Variants in ARHGAP8 observed in about 807,000 individuals in gnomAD.
ARHGAP8 encodes Rho GTPase activating protein 8.
Under a neutral mutation model 46.1 loss-of-function variants are expected in ARHGAP8, and 62 were observed. The ratio of observed to expected loss-of-function variants is 1.34; its 90% CI spans 1.10 to 1.66. The LOEUF (loss-of-function observed/expected upper bound fraction) is 1.66, where lower values mean the gene tolerates loss of function less well. ARHGAP8 is among the 40% of genes most tolerant of loss of function. ARHGAP8 has a pLI of 0.00. For synonymous variants in ARHGAP8, 375 were observed against 243.1 expected (o/e 1.54, Z -5.05); for missense variants, 923 against 568.4 (o/e 1.62, Z -6.34).
chr22:44,801,763 T>C (rs1928569956), intron 2 of ARHGAP8: 1 of 335,266 alleles, frequency 3.0e-6, no homozygotes, highest in Admixed American at 4.3e-5. Flanking sequence ...GTCAGATGCG[T>C]CTCGATTTAA....
intron 1 of ARHGAP8, among the ~76,000 whole-genome samples, chr22:44,765,655 G>C (rs1455538527): frequency 1.3e-5 from 2 of 152,148 alleles, no homozygotes; most frequent in South Asian, 2.1e-4. Context: ...GGCATGACAG[G>C]GTGGCAGGGA....
At chr22:44,820,395 G>A (rs954478370) in intron 5 of ARHGAP8, among the ~76,000 whole-genome samples, 1 of 152,164 alleles carries the variant, frequency 6.6e-6, no homozygotes, top group South Asian at 2.1e-4. Context: ...TCCTGCAGAG[G>A]GGCAAGACTC....
At chr22:44,763,049 C>G (rs182384412) in intron 1 of ARHGAP8, among the ~76,000 whole-genome samples, 1 of 152,068 alleles carries the variant, frequency 6.6e-6, no homozygotes, top group Non-Finnish European at 1.5e-5. Context: ...TATCCAATGA[C>G]GCCTACATAA....
chr22:44,861,123 C>G (rs1226415103), intron 11 of ARHGAP8, among the ~76,000 whole-genome samples: 1 of 152,188 alleles, frequency 6.6e-6, no homozygotes, highest in East Asian at 1.9e-4. Flanking sequence ...AGGTGAGAAC[C>G]ACCATGCCCG....
intron 10 of ARHGAP8, among the ~76,000 whole-genome samples, chr22:44,858,727 G>T (rs574506652): frequency 7.1e-5 from 10 of 140,166 alleles, no homozygotes; most frequent in Non-Finnish European, 1.1e-4. Flanking sequence ...GTGGTTATAA[G>T]GGTAACTGGG....
chr22:44,813,230 G>T (rs1262276191), intron 4 of ARHGAP8, among the ~76,000 whole-genome samples: 3 of 151,740 alleles, frequency 2.0e-5, no homozygotes, highest in Non-Finnish European at 4.4e-5. Flanking sequence ...GGGTATGTGT[G>T]TGTGAATGTA....
At position 44,801,964 on chromosome 22, in the gene ARHGAP8, G is replaced by C. The variant is rs1033596127; in HGVS notation, c.80-113G>C. ...GGTGTCGCCTCCGAGGAACGCTGCTGCCTGTGCCTCCCAGCTCGGGCTGGA... is the reference window on the plus strand; with the variant it reads ...GGTGTCGCCTCCGAGGAACGCTGCTCCCTGTGCCTCCCAGCTCGGGCTGGA... On this transcript the variant is annotated intron_variant, in intron 2 of 11. Coordinates refer to ENST00000356099, the MANE Select transcript of ARHGAP8 (RefSeq NM_181335.3). The C allele has an allele frequency of 7.1e-6, 9 of 1,261,772 alleles. No homozygotes were observed. In the African/African-American group the frequency reaches 1.0e-4, roughly 15 times the overall value. The allele number at this position is 1,261,772 out of a possible 1,614,324, so 78.2% of individuals were successfully genotyped here.
In ARHGAP8 at chr22:44,812,279, C is replaced by A. The variant is rs149680585; in HGVS notation, c.300-2393C>A. Among the ~76,000 whole-genome samples, 479 of 151,840 alleles carry A rather than the reference C, an allele frequency of 3.2e-3. 6 individuals are homozygous for A. The East Asian group carries it at 0.036, about 12-fold the overall frequency. On this transcript the variant is annotated intron_variant, in intron 4 of 11. Transcript: ENST00000356099. ...GGGTGAACCTTGCAGCAGCTGCCCT[C>A]TGGGCTCCTGGAGACTCTGGAAGCC... is the stretch of plus-strand genomic sequence containing the variant.
chr22:44,787,624 C>T (rs901689258), intron 2 of ARHGAP8, among the ~76,000 whole-genome samples: 7 of 152,124 alleles, frequency 4.6e-5, no homozygotes, highest in African/African-American at 1.2e-4. Context: ...GGATTATAGG[C>T]GTGAGCCACC....
At chr22:44,799,600 C>T (rs575906076) in intron 2 of ARHGAP8, among the ~76,000 whole-genome samples, 30 of 152,226 alleles carry the variant, frequency 2.0e-4, no homozygotes, top group South Asian at 1.2e-3. Flanking sequence ...CCACTCCTGA[C>T]GACAGCCTGG....
chr22:44,841,401 A>G (rs567871522), intron 7 of ARHGAP8, among the ~76,000 whole-genome samples: 1 of 152,192 alleles, frequency 6.6e-6, no homozygotes, highest in Non-Finnish European at 1.5e-5. Context: ...CGCCCATGTG[A>G]CAGGAGAGGA....
chr22:44,862,334 G>T lies in ARHGAP8; in HGVS notation c.1041G>T (p.Gly347=). ...GCTCTAACCTGGCCTGTGTCTTCGG[G>T]CTGAATTTGATCTGGCCATCCCAGG... ...MNSSNLACVF[G]LNLIWPSQGV... is the part of the protein sequence containing the mutation. The change falls in exon 12 of 12, where the codon GGG becomes GGT. Residue 347 remains glycine (G), a synonymous_variant. Coordinates refer to ENST00000356099, the MANE Select transcript of ARHGAP8 (RefSeq NM_181335.3). The T allele has an allele frequency of 2.5e-6, 4 of 1,613,940 alleles. No individual in the cohort carries two copies. The highest frequency in any genetic ancestry group is 3.4e-6 in the Non-Finnish European group (4 of 1,179,890).
intron 5 of ARHGAP8, among the ~76,000 whole-genome samples, chr22:44,818,475 C>T (rs1211815851): frequency 1.5e-5 from 2 of 132,364 alleles, no homozygotes; most frequent in African/African-American, 7.4e-5. Context: ...TTCACCTGCT[C>T]CTCCTGTTTT....
chr22:44,861,284 C>T (rs2070469219), intron 11 of ARHGAP8, among the ~76,000 whole-genome samples: 1 of 152,158 alleles, frequency 6.6e-6, no homozygotes, highest in African/African-American at 2.4e-5. Flanking sequence ...ACTTCTTTTT[C>T]ATTAGGAGAG....
At chr22:44,792,482 G>A (rs559961938) in intron 2 of ARHGAP8, among the ~76,000 whole-genome samples, 26 of 152,246 alleles carry the variant, frequency 1.7e-4, no homozygotes, top group African/African-American at 6.0e-4. Context: ...TGAGTTTTCT[G>A]TGGGCCCAGG....
chr22:44,787,037 CAAA>C (rs57241720), intron 2 of ARHGAP8, among the ~76,000 whole-genome samples: 2 of 119,108 alleles, frequency 1.7e-5, no homozygotes, highest in African/African-American at 3.1e-5. Context: ...CTCAAAAAAA[CAAA>C]AAAAAAAAAA....
intron 2 of ARHGAP8, among the ~76,000 whole-genome samples, chr22:44,793,914 C>G (rs549326840): frequency 6.6e-6 from 1 of 152,316 alleles, no homozygotes; most frequent in South Asian, 2.1e-4. Flanking sequence ...AACACAGATG[C>G]GGCATTGATG....
At chr22:44,803,822 CAT>C (rs1262171062) in intron 3 of ARHGAP8, among the ~76,000 whole-genome samples, 1 of 148,138 alleles carries the variant, frequency 6.8e-6, no homozygotes, top group Non-Finnish European at 1.5e-5. Flanking sequence ...TACCTGCTCT[CAT>C]ACACACACAC....
intron 5 of ARHGAP8, among the ~76,000 whole-genome samples, chr22:44,817,663 G>A (rs1032240050): frequency 6.6e-6 from 1 of 152,096 alleles, no homozygotes; most frequent in Admixed American, 6.6e-5. Context: ...AAATTAGCGG[G>A]TGTGGTGGTG....
Sources: gnomAD v4.1 joint callset for allele counts (sites outside exome capture counted in the v4.1 genomes callset) on GRCh38, gnomAD v4.1.1 for gene constraint, MANE v1.5 for transcripts, NCBI Gene and HGNC (gene_info 2026-07-23, HGNC 2026-07-21) for gene names.